KANK4: variants seen among roughly 807,000 people sequenced by gnomAD.
The protein encoded by KANK4 is KN motif and ankyrin repeat domains 4.
Under a neutral mutation model 80.8 loss-of-function variants are expected in KANK4, and 50 were observed. The ratio of observed to expected loss-of-function variants is 0.62; its 90% confidence interval spans 0.49 to 0.78. The LOEUF is 0.78. KANK4 is among the 30% of genes least tolerant of loss of function. The probability of loss-of-function intolerance (pLI) is 0.00; values close to 1 mark genes in which losing one functional copy is unlikely to be tolerated. For synonymous variants in KANK4, 465 were observed against 506.9 expected (o/e 0.92, Z 1.11); for missense variants, 1,196 against 1,240.1 (o/e 0.96, Z 0.53).
At chr1:62,261,005 A>G (rs566477246) in intron 7 of KANK4, among the ~76,000 whole-genome samples, 6 of 152,258 alleles carry the variant, frequency 3.9e-5, no homozygotes, top group African/African-American at 1.4e-4. Flanking sequence ...TCCACTGGAA[A>G]CTAAAAATCT....
chr1:62,253,247 G>A (rs1671665946), intron 7 of KANK4, 38 bp from the exon 8 acceptor site: 1 of 1,568,346 alleles, frequency 6.4e-7, no homozygotes, highest in Non-Finnish European at 8.6e-7. Flanking sequence ...AGGCTCCTGA[G>A]GGGCCAGGAG....
Position 62,273,613 on chromosome 1 carries a change from A to G in KANK4, c.1491T>C (p.Thr497=). ...LTSSVHSFLS[T]ELRIEEAGTE... is the part of the protein sequence containing the mutation. ...TGCCTGCTTCTTCAATCCTGAGTTC[A>G]GTGGAGAGGAAGCTATGTACAGAGG... Residue 497 remains threonine, a synonymous_variant, in exon 3 of 10, where the codon ACT becomes ACC. Coordinates refer to ENST00000371153, the MANE Select transcript of KANK4 (RefSeq NM_181712.5). 1 of 1,614,080 alleles carries G rather than the reference A, an allele frequency of 6.2e-7. No individual in the cohort carries two copies. The highest frequency in any genetic ancestry group is 1.1e-5 in the South Asian group (1 of 91,074).
At chr1:62,275,142 C>T (rs1404858842) in intron 2 of KANK4, 55 bp from the exon 3 acceptor site, 39 of 1,379,664 alleles carry the variant, frequency 2.8e-5, no homozygotes, top group Middle Eastern at 2.2e-4. Flanking sequence ...TTAAGCATTA[C>T]AGGGCGATGA....
intron 1 of KANK4, among the ~76,000 whole-genome samples, chr1:62,303,423 G>A (rs1485374196): frequency 6.6e-6 from 1 of 152,014 alleles, no homozygotes; most frequent in East Asian, 1.9e-4. Context: ...GGTGAGGACA[G>A]GGCGAGCAGC....
chr1:62,242,095 G>A (rs1267745745), intron 9 of KANK4, among the ~76,000 whole-genome samples: 1 of 152,134 alleles, frequency 6.6e-6, no homozygotes, highest in East Asian at 1.9e-4. Context: ...CAGGTATGGT[G>A]AGCCTCTGCT....
chr1:62,309,615 C>T (rs35875905), intron 1 of KANK4, among the ~76,000 whole-genome samples: 29,129 of 152,100 alleles, frequency 0.19, 3,435 homozygotes, highest in Middle Eastern at 0.36. Flanking sequence ...TATTATGTGC[C>T]AAGGGCTTTA....
rs373498121 is a variant in KANK4, at chr1:62,268,418, G to A, written c.2100C>T (p.Asp700=). 3.3e-5 allele frequency: 54 copies of A among 1,613,766 alleles called. No individual in the cohort carries two copies. The highest frequency in any genetic ancestry group is 1.6e-4 in the Middle Eastern group (1 of 6,084). Residue 700 remains aspartate (D), a synonymous_variant, in exon 5 of 10, where the codon GAC becomes GAT. Coordinates refer to ENST00000371153, the MANE Select transcript of KANK4 (RefSeq NM_181712.5). ...LSDSEAEKKC[D]GPDHKHVKDA... ...CTTTGACATGCTTGTGATCTGGGCC[G>A]TCACACTTCTTCTCTGCCTCGCTGT...
intron 1 of KANK4, among the ~76,000 whole-genome samples, chr1:62,289,997 G>A (rs1672647993): frequency 6.6e-6 from 1 of 152,126 alleles, no homozygotes; most frequent in Admixed American, 6.5e-5. Flanking sequence ...ATAAGTCACG[G>A]AGCTGTCAGA....
intron 1 of KANK4, among the ~76,000 whole-genome samples, chr1:62,294,934 G>C (rs1322694854): frequency 6.6e-6 from 1 of 152,200 alleles, no homozygotes; most frequent in African/African-American, 2.4e-5. Context: ...GTTCCATCCG[G>C]TAATACAAAG....
intron 7 of KANK4, among the ~76,000 whole-genome samples, 200 bp from the exon 8 acceptor site, chr1:62,253,409 C>CTTTTTTTTTTTTTTTTTTTTTTTTTTCT (rs34488630): frequency 9.0e-6 from 1 of 110,982 alleles, no homozygotes; most frequent in African/African-American, 3.4e-5. Context: ...TTCTTTCTTT[C>CTTTTTTTTTTTTTTTTTTTTTTTTTTCT]TTTTTTTTTT....
At chr1:62,286,196 T>A (rs1209038860) in intron 1 of KANK4, among the ~76,000 whole-genome samples, 2 of 152,226 alleles carry the variant, frequency 1.3e-5, no homozygotes, top group Non-Finnish European at 2.9e-5. Flanking sequence ...GTGCCCACAT[T>A]ACCTTCCCTT....
rs778922881 is a variant in KANK4, at chr1:62,273,766, C to G, written c.1338G>C (p.Gly446=). 2 of 1,614,082 alleles carry G rather than the reference C, an allele frequency of 1.2e-6. No homozygotes were observed. The highest frequency in any genetic ancestry group is 1.1e-5 in the South Asian group (1 of 91,078). The part of the protein sequence containing the change: ...LLGSMESESW[G]HRGEENGLLW... Reference sequence around the variant, plus strand: ...GGAGGCCATTCTCCTCTCCTCGGTGCCCCCAGCTTTCAGACTCCATGCTGC... The same window carrying G: ...GGAGGCCATTCTCCTCTCCTCGGTGGCCCCAGCTTTCAGACTCCATGCTGC... Residue 446 remains glycine, a synonymous_variant, in exon 3 of 10, where the codon GGG becomes GGC. Transcript: ENST00000371153.
intron 1 of KANK4, among the ~76,000 whole-genome samples, chr1:62,307,231 T>G (rs1406957089): frequency 6.6e-6 from 1 of 151,948 alleles, no homozygotes; most frequent in African/African-American, 2.4e-5. Flanking sequence ...ACCTGTAATC[T>G]CAGCACTTTG....
intron 1 of KANK4, among the ~76,000 whole-genome samples, chr1:62,316,721 T>A (rs1262520093): frequency 6.6e-6 from 1 of 152,108 alleles, no homozygotes; most frequent in Non-Finnish European, 1.5e-5. Context: ...CACCATCCCC[T>A]CCCCATATAA....
At chr1:62,275,900 A>G (rs1672302203) in intron 2 of KANK4, among the ~76,000 whole-genome samples, 4 of 142,212 alleles carry the variant, frequency 2.8e-5, no homozygotes, top group Admixed American at 7.2e-5. Context: ...AAGGAAGGGG[A>G]AGGGGAAGGG....
chr1:62,260,252 T>C (rs1671848020), intron 7 of KANK4, among the ~76,000 whole-genome samples: 1 of 152,200 alleles, frequency 6.6e-6, no homozygotes, highest in Non-Finnish European at 1.5e-5. Flanking sequence ...CTTTGCCAAG[T>C]GGCTTCTCTC....
In KANK4 at chr1:62,262,654, C is replaced by T. The variant is rs58825337; in HGVS notation, c.2539+438G>A. On this transcript the variant is annotated intron_variant, in intron 7 of 9. Coordinates refer to ENST00000371153, the MANE Select transcript of KANK4 (RefSeq NM_181712.5). ...ATACGTATATGCACAGACACACATA[C>T]ATACATTCCACGGAATACTACTCAG... is the stretch of plus-strand genomic sequence containing the variant. Among the ~76,000 whole-genome samples, 591 of 152,190 alleles carry T rather than the reference C, an allele frequency of 3.9e-3. 3 individuals are homozygous for T. The highest frequency in any genetic ancestry group is 0.013 in the African/African-American group (554 of 41,526).
intron 7 of KANK4, among the ~76,000 whole-genome samples, chr1:62,261,624 C>A (rs566452408): frequency 2.0e-4 from 31 of 152,224 alleles, no homozygotes; most frequent in Admixed American, 1.1e-3. Context: ...TAGAGAATTA[C>A]CCTGGTTATG....
intron 7 of KANK4, among the ~76,000 whole-genome samples, chr1:62,262,230 C>T (rs1485822364): frequency 1.3e-5 from 2 of 152,142 alleles, no homozygotes; most frequent in South Asian, 2.1e-4. Context: ...CTGACTCTAC[C>T]CTTGACCAGC....
Sources: gnomAD v4.1 joint callset for allele counts (sites outside exome capture counted in the v4.1 genomes callset) on GRCh38, gnomAD v4.1.1 for gene constraint, MANE v1.5 for transcripts, NCBI Gene and HGNC (gene_info 2026-07-23, HGNC 2026-07-21) for gene names.